ACAP2: variants seen among roughly 807,000 people sequenced by gnomAD.
ACAP2 encodes ArfGAP with coiled-coil, ankyrin repeat and PH domains 2.
A neutral mutation model predicts 115.8 loss-of-function variants in ACAP2; 39 were observed. The ratio of observed to expected loss-of-function variants is 0.34; its 90% CI spans 0.26 to 0.44. The LOEUF is 0.44. Among genes scored for constraint, ACAP2 ranks in the 20% least tolerant of loss-of-function variants. The pLI is 1.00. For synonymous variants in ACAP2, 289 were observed against 315.8 expected (o/e 0.92, Z 0.90); for missense variants, 662 against 927.6 (o/e 0.71, Z 3.72).
chr3:195,393,308 A>C (rs905777689), intron 1 of ACAP2, among the ~76,000 whole-genome samples: 1 of 152,194 alleles, frequency 6.6e-6, no homozygotes, highest in Non-Finnish European at 1.5e-5. Flanking sequence ...CACTGTCTCA[A>C]AATAAAACAA....
At chr3:195,395,062 G>C (rs1711624608) in intron 1 of ACAP2, among the ~76,000 whole-genome samples, 1 of 145,938 alleles carries the variant, frequency 6.9e-6, no homozygotes, top group South Asian at 2.1e-4. Context: ...AACCATTCTG[G>C]GACATATGTT....
At chr3:195,328,992 A>C (rs1729992104) in intron 8 of ACAP2, among the ~76,000 whole-genome samples, 1 of 151,548 alleles carries the variant, frequency 6.6e-6, no homozygotes, top group South Asian at 2.1e-4. Context: ...AGGCAGGAGA[A>C]TGGCGTGAAC....
At chr3:195,317,774 G>GA (rs1729191819) in intron 10 of ACAP2, among the ~76,000 whole-genome samples, 1 of 151,848 alleles carries the variant, frequency 6.6e-6, no homozygotes, top group African/African-American at 2.4e-5. Context: ...CTTCATATAT[G>GA]AAAAAAATCC....
At chr3:195,410,506 G>C (rs1287982110) in intron 1 of ACAP2, among the ~76,000 whole-genome samples, 1 of 152,082 alleles carries the variant, frequency 6.6e-6, no homozygotes, top group Non-Finnish European at 1.5e-5. Flanking sequence ...CAAATCATCT[G>C]GTAAGGGATT....
At chr3:195,420,779 AT>A (rs781092126) in intron 1 of ACAP2, among the ~76,000 whole-genome samples, 20 of 152,088 alleles carry the variant, frequency 1.3e-4, no homozygotes, top group Admixed American at 9.2e-4. Flanking sequence ...AGTAGAAGGG[AT>A]TACGGGCACG....
chr3:195,410,804 G>A, intron 1 of ACAP2: 1 of 156,910 alleles, frequency 6.4e-6, no homozygotes, highest in African/African-American at 2.4e-5. Flanking sequence ...GGGAAGTGAT[G>A]AAGACATGAG....
chr3:195,308,256 T>C (rs1728544815), intron 11 of ACAP2, among the ~76,000 whole-genome samples: 1 of 152,114 alleles, frequency 6.6e-6, no homozygotes, highest in South Asian at 2.1e-4. Context: ...AAAGGCACCC[T>C]CTCTTTCATC....
chr3:195,308,669 C>T (rs1414805264), intron 11 of ACAP2, 117 bp downstream of exon 11: 2 of 864,198 alleles, frequency 2.3e-6, no homozygotes, highest in Admixed American at 3.2e-5. Context: ...AAACATAAAA[C>T]TAATAAATAA....
At position 195,434,831 on chromosome 3, in the gene ACAP2, T is replaced by C. The variant is rs558143430; in HGVS notation, c.53+7964A>G. Among the ~76,000 whole-genome samples the C allele has an allele frequency of 3.9e-5, 6 of 152,360 alleles. No individual in the cohort carries two copies. The South Asian group carries it at 8.3e-4, about 21-fold the overall frequency. On this transcript the variant is annotated intron_variant, in intron 1 of 22. Coordinates refer to ENST00000326793, the MANE Select transcript of ACAP2 (RefSeq NM_012287.6). ...TGAGTCGGTTTCAGTAGTTTGTGTC[T>C]TTCTTGAAATATATTCTTCTAAGTT...
At chr3:195,284,097 C>T (rs1026972078) in intron 22 of ACAP2, among the ~76,000 whole-genome samples, 2 of 152,080 alleles carry the variant, frequency 1.3e-5, no homozygotes, top group African/African-American at 2.4e-5. Context: ...AGAGAAGAGT[C>T]GACCACTGAC....
intron 9 of ACAP2, among the ~76,000 whole-genome samples, chr3:195,321,643 T>G (rs996622095): frequency 6.7e-6 from 1 of 150,220 alleles, no homozygotes; most frequent in African/African-American, 2.5e-5. Flanking sequence ...AGACTGAATC[T>G]CACTCTGTCA....
At chr3:195,368,648 T>C (rs1410449866) in intron 4 of ACAP2, among the ~76,000 whole-genome samples, 2 of 152,254 alleles carry the variant, frequency 1.3e-5, no homozygotes, top group Non-Finnish European at 2.9e-5. Flanking sequence ...TTACAGATTC[T>C]TATTAGAATA....
At chr3:195,381,150 A>G (rs1393146370) in intron 3 of ACAP2, 88 bp from the exon 4 acceptor site, 1 of 920,178 alleles carries the variant, frequency 1.1e-6, no homozygotes, top group Non-Finnish European at 1.7e-6. Flanking sequence ...TTCTGACAGA[A>G]GATCAAGTTA....
intron 1 of ACAP2, among the ~76,000 whole-genome samples, chr3:195,435,011 T>C (rs979866903): frequency 6.6e-6 from 1 of 150,674 alleles, no homozygotes; most frequent in Non-Finnish European, 1.5e-5. Context: ...TTTGTTAGGC[T>C]TTTCAAAGAA....
Position 195,442,883 on chromosome 3 carries a change from GA to G in ACAP2, c.-37del. On this transcript the variant is annotated 5_prime_UTR_variant, in exon 1 of 23. Transcript: ENST00000326793. Reference sequence around the variant, plus strand: ...CCTCGCAGGCGGCGCTGGCAAAGCCGAGGGGGCCGCGGGAGCGGCCGCGCTG... The same window carrying G: ...CCTCGCAGGCGGCGCTGGCAAAGCCGGGGGGCCGCGGGAGCGGCCGCGCTG... 6.7e-7 allele frequency: 1 copy of G among 1,502,500 alleles called. No homozygotes were observed. 93.1% of individuals were successfully genotyped at this position (1,502,500 alleles called of 1,614,324 possible).
chr3:195,435,065 T>C (rs918093115), intron 1 of ACAP2, among the ~76,000 whole-genome samples: 1 of 151,974 alleles, frequency 6.6e-6, no homozygotes, highest in Non-Finnish European at 1.5e-5. Context: ...TTCTCTTCTC[T>C]ATTTTCTCTT....
At chr3:195,304,162 TCAAAAA>T (rs1169424928) in intron 13 of ACAP2, among the ~76,000 whole-genome samples, 1 of 23,628 alleles carries the variant, frequency 4.2e-5, no homozygotes, top group African/African-American at 1.8e-4. Flanking sequence ...AGACTCCATC[TCAAAAA>T]AAAAAAAAAA....
In ACAP2 at chr3:195,278,564, G is replaced by A. The variant is rs1726280960; in HGVS notation, c.*764C>T. 1 of 151,552 alleles carries A rather than the reference G, an allele frequency of 6.6e-6. No homozygotes were observed. Among genetic ancestry groups the A allele is most frequent in the Non-Finnish European group, 1.5e-5 (1 of 67,938 alleles). The allele number at this position is 151,552 out of a possible 1,614,324, so 9.4% of individuals were successfully genotyped here. A position where few individuals can be genotyped will look rare whatever the true frequency, so the allele number is the denominator to read the frequency against. ...CATCGATACATCTGTCAAGGTTTTGGGGAATCAACCCAACAATGAAGAACT... is the reference window on the plus strand; with the variant it reads ...CATCGATACATCTGTCAAGGTTTTGAGGAATCAACCCAACAATGAAGAACT... On this transcript the variant is annotated 3_prime_UTR_variant, in exon 23 of 23. Coordinates refer to ENST00000326793, the MANE Select transcript of ACAP2 (RefSeq NM_012287.6).
At chr3:195,319,202 T>C (rs181430999) in intron 10 of ACAP2, among the ~76,000 whole-genome samples, 12 of 152,286 alleles carry the variant, frequency 7.9e-5, no homozygotes, top group African/African-American at 2.4e-4. Context: ...AGAGGATGTA[T>C]AGAAATGCTT....
Sources: gnomAD v4.1 joint callset for allele counts (sites outside exome capture counted in the v4.1 genomes callset) on GRCh38, gnomAD v4.1.1 for gene constraint, MANE v1.5 for transcripts, NCBI Gene and HGNC (gene_info 2026-07-23, HGNC 2026-07-21) for gene names.